The following TRPM3 variants were observed in gnomAD, a reference collection of about 807,000 sequenced individuals.
TRPM3 encodes the protein transient receptor potential cation channel subfamily M member 3.
In TRPM3, 77 loss-of-function variants were observed where a neutral mutation model predicts 181.2. That is an observed-to-expected ratio of 0.42 (90% confidence interval 0.35 to 0.51). The LOEUF is 0.51. TRPM3 is among the 20% of genes least tolerant of loss of function. The pLI is 0.01. For missense variants in TRPM3, 1,759 were observed against 2,196.7 expected (o/e 0.80, Z 3.98); for synonymous variants, 745 against 796.4 (o/e 0.94, Z 1.09).
intron 1 of TRPM3, among the ~76,000 whole-genome samples, chr9:71,237,664 CT>C (rs2081436734): frequency 6.6e-6 from 1 of 152,178 alleles, no homozygotes; most frequent in Non-Finnish European, 1.5e-5. Flanking sequence ...AGATTTTCAG[CT>C]TCATATTTCT....
intron 1 of TRPM3, among the ~76,000 whole-genome samples, chr9:70,984,788 TTTTGTG>T (rs2134059098): frequency 6.6e-6 from 1 of 152,338 alleles, no homozygotes; most frequent in South Asian, 2.1e-4. Flanking sequence ...TCAAGACTCT[TTTTGTG>T]TTTTTGACTT....
rs190992295 is a variant in TRPM3, at chr9:71,382,635, G to C, written c.183+64018C>G. On this transcript the variant is annotated intron_variant, in intron 1 of 24. Transcript: ENST00000357533. The stretch of plus-strand genomic sequence containing the variant: ...CTCATATAAGTGGCATTCTTGATTG[G>C]AATTTTTTTAAAAAAGAAGCGAAGA... Among the ~76,000 whole-genome samples the C allele has an allele frequency of 2.9e-3, 438 of 150,620 alleles. 1 individual carries two copies. The highest frequency in any genetic ancestry group is 4.3e-3 in the Non-Finnish European group (289 of 67,810).
At chr9:71,030,907 A>G (rs2057214730) in intron 1 of TRPM3, among the ~76,000 whole-genome samples, 1 of 152,154 alleles carries the variant, frequency 6.6e-6, no homozygotes, top group Non-Finnish European at 1.5e-5. Flanking sequence ...ATGAATCAAA[A>G]TTACTCAGGG....
intron 1 of TRPM3, among the ~76,000 whole-genome samples, chr9:71,364,757 A>G (rs986276345): frequency 6.6e-6 from 1 of 152,180 alleles, no homozygotes; most frequent in Admixed American, 6.5e-5. Flanking sequence ...TCATTCTGGG[A>G]AGTGACCCAG....
Position 71,001,017 on chromosome 9 carries a change from T to C in TRPM3, c.177+120161A>G, listed in dbSNP as rs187976845. 3.9e-5 allele frequency among the ~76,000 whole-genome samples: 6 copies of C among 152,342 alleles called. No individual in the cohort carries two copies. The East Asian group carries it at 9.6e-4, about 24-fold the overall frequency. ...AGATTACATGCAGGATACAAAATGA[T>C]AGTTTGGCCTACTAAATTCCTCAGT... On this transcript the variant is annotated intron_variant, in intron 1 of 25. Coordinates refer to ENST00000677713, the MANE Select transcript of TRPM3 (RefSeq NM_001366145.2).
chr9:70,926,004 A>C (rs1243049372), intron 1 of TRPM3, among the ~76,000 whole-genome samples: 1 of 151,830 alleles, frequency 6.6e-6, no homozygotes, highest in African/African-American at 2.4e-5. Flanking sequence ...AAACAAAAAA[A>C]AAAAAAACAA....
At chr9:71,338,917 G>A (rs938460873) in intron 1 of TRPM3, among the ~76,000 whole-genome samples, 1 of 152,046 alleles carries the variant, frequency 6.6e-6, no homozygotes. Context: ...AATTAGACAC[G>A]AAACAGGAAG....
At chr9:70,889,827 A>C (rs2096165316) in intron 1 of TRPM3, among the ~76,000 whole-genome samples, 1 of 151,756 alleles carries the variant, frequency 6.6e-6, no homozygotes, top group South Asian at 2.1e-4. Context: ...AAATGAAACA[A>C]TAAAGGAAAC....
At chr9:70,545,820 T>C (rs1279190402) in intron 25 of TRPM3, among the ~76,000 whole-genome samples, 1 of 152,044 alleles carries the variant, frequency 6.6e-6, no homozygotes, top group Non-Finnish European at 1.5e-5. Context: ...AGTGCTGGGG[T>C]TACAGGTGTG....
At chr9:71,232,991 C>A (rs1261285343) in intron 1 of TRPM3, among the ~76,000 whole-genome samples, 1 of 152,132 alleles carries the variant, frequency 6.6e-6, no homozygotes, top group Non-Finnish European at 1.5e-5. Context: ...CCTGCTCTGT[C>A]ATCAGCCTTC....
chr9:70,880,633 C>A (rs951951378), intron 1 of TRPM3, among the ~76,000 whole-genome samples: 7 of 152,068 alleles, frequency 4.6e-5, no homozygotes, highest in African/African-American at 1.7e-4. Context: ...AATTTGAGGA[C>A]AAAGTCCTGA....
chr9:71,361,430 G>A (rs2092139871), intron 1 of TRPM3, among the ~76,000 whole-genome samples: 1 of 152,164 alleles, frequency 6.6e-6, no homozygotes, highest in African/African-American at 2.4e-5. Flanking sequence ...AAAGGGACTA[G>A]AATAATGTAT....
Position 71,050,099 on chromosome 9 carries a change from G to A in TRPM3, c.177+71079C>T, listed in dbSNP as rs978000954. Among the ~76,000 whole-genome samples, 4 of 152,280 alleles carry A rather than the reference G, an allele frequency of 2.6e-5. No homozygotes were observed. In the South Asian group the frequency reaches 8.3e-4, roughly 32 times the overall value. On this transcript the variant is annotated intron_variant, in intron 1 of 25. Coordinates refer to ENST00000677713, the MANE Select transcript of TRPM3 (RefSeq NM_001366145.2). Reference sequence around the variant, plus strand: ...CAACTGGACCCAGAAGACAGAAGGTGCTCAAAAGCCTTATTGTCTTCTATG... The same window carrying A: ...CAACTGGACCCAGAAGACAGAAGGTACTCAAAAGCCTTATTGTCTTCTATG...
intron 1 of TRPM3, among the ~76,000 whole-genome samples, chr9:70,950,412 A>G (rs536297964): frequency 1.4e-3 from 214 of 152,312 alleles, no homozygotes; most frequent in African/African-American, 4.8e-3. Context: ...AACCTCCACA[A>G]TAGTTTTCAT....
rs1554854926 is a variant in TRPM3 at position 71,252,847 on chromosome 9, C to CTCTTTTTTTTTTT, written c.183+193805_183+193806insAAAAAAAAAAAGA. ...ACACCTCGCCTGGCTAATTTTGTCT[C>CTCTTTTTTTTTTT]TTTTTTTTTTTTTTTTTTTTTTAGA... is the stretch of plus-strand genomic sequence containing the variant. On this transcript the variant is annotated intron_variant, in intron 1 of 24. Transcript: ENST00000357533. Among the ~76,000 whole-genome samples, 19 of 84,762 alleles carry CTCTTTTTTTTTTT rather than the reference C, an allele frequency of 2.2e-4. 2 individuals are homozygous for CTCTTTTTTTTTTT. The highest frequency in any genetic ancestry group is 8.9e-4 in the African/African-American group (17 of 19,116). 55.6% of individuals were successfully genotyped at this position (84,762 alleles called of 152,430 possible).
chr9:71,240,975 A>C (rs2081632827), intron 1 of TRPM3, among the ~76,000 whole-genome samples: 1 of 152,202 alleles, frequency 6.6e-6, no homozygotes, highest in Admixed American at 6.5e-5. Flanking sequence ...CAATCACTAC[A>C]ACTCTTACGA....
chr9:71,121,618 G>C lies in TRPM3; in HGVS notation c.-264C>G. ...GTCGGAGTCAAAGCAGCCTGCTCCA[G>C]AATGCGCGCTCCCTCTCCCGCTCTC... is the stretch of plus-strand genomic sequence containing the variant. On this transcript the variant is annotated 5_prime_UTR_variant, in exon 1 of 26. Transcript: ENST00000677713. 1 of 1,223,240 alleles carries C rather than the reference G, an allele frequency of 8.2e-7. No homozygotes were observed. Among genetic ancestry groups the C allele is most frequent in the Non-Finnish European group, 1.0e-6 (1 of 980,134 alleles). 75.8% of individuals were successfully genotyped at this position (1,223,240 alleles called of 1,614,324 possible). A position where few individuals can be genotyped will look rare whatever the true frequency, so the allele number is the denominator to read the frequency against.
chr9:71,161,962 G>T (rs1041699141), intron 1 of TRPM3, among the ~76,000 whole-genome samples: 1 of 151,972 alleles, frequency 6.6e-6, no homozygotes, highest in Non-Finnish European at 1.5e-5. Context: ...AAAACTTTGG[G>T]AGGCCAAGGC....
At chr9:71,075,332 C>A (rs2063313573) in intron 1 of TRPM3, among the ~76,000 whole-genome samples, 1 of 152,256 alleles carries the variant, frequency 6.6e-6, no homozygotes, top group East Asian at 1.9e-4. Context: ...TGAAGCATTT[C>A]CAATTTAACT....
Sources: gnomAD v4.1 joint callset for allele counts (sites outside exome capture counted in the v4.1 genomes callset) on GRCh38, gnomAD v4.1.1 for gene constraint, MANE v1.5 for transcripts, NCBI Gene and HGNC (gene_info 2026-07-23, HGNC 2026-07-21) for gene names.